The following DIPK1C variants were observed in gnomAD, a reference collection of about 807,000 sequenced individuals.
DIPK1C encodes divergent protein kinase domain 1C.
Under a neutral mutation model 28.0 loss-of-function variants are expected in DIPK1C, and 33 were observed. The observed-to-expected ratio is 1.18, with a 90% CI of 0.89 to 1.58. The LOEUF is 1.58. Among genes scored for constraint, DIPK1C ranks in the 40% most tolerant of loss-of-function variants. The pLI is 0.00. For missense variants in DIPK1C, 569 were observed against 568.5 expected (o/e 1.00, Z -0.01); for synonymous variants, 255 against 248.8 (o/e 1.02, Z -0.23).
Position 74,457,163 on chromosome 18 carries a change from C to G in DIPK1C, c.97G>C (p.Ala33Pro). 7.3e-7 allele frequency: 1 copy of G among 1,378,212 alleles called. No individual in the cohort carries two copies. The highest frequency in any genetic ancestry group is 9.4e-7 in the Non-Finnish European group (1 of 1,069,202). The allele number at this position is 1,378,212 out of a possible 1,614,324, so 85.4% of individuals were successfully genotyped here. Reference sequence around the variant, plus strand: ...AGCGCGGCCGCCAGCACCCAGCCCGCGGTCCACGCGGCGAAGGCGAGGAGC... The same window carrying G: ...AGCGCGGCCGCCAGCACCCAGCCCGGGGTCCACGCGGCGAAGGCGAGGAGC... ...GTLLAFAAWT[A>P]GWVLAAALLL... Residue 33 changes from alanine to proline, a missense_variant, in exon 1 of 4, where the codon GCG becomes CCG. Physicochemically the swap from Ala to Pro is conservative, Grantham distance 27. Coordinates refer to ENST00000343998, the MANE Select transcript of DIPK1C (RefSeq NM_001044369.3).
intron 3 of DIPK1C, 75 bp downstream of exon 3, chr18:74,441,877 G>T: frequency 4.0e-6 from 6 of 1,483,360 alleles, no homozygotes; most frequent in Non-Finnish European, 5.5e-6. Context: ...CTCCACTGAG[G>T]GTATCTGAAG....
At chr18:74,457,314 C>G, upstream of DIPK1C, 1 of 973,424 alleles carries the variant, frequency 1.0e-6, no homozygotes, top group South Asian at 4.6e-5. Context: ...GAGTTCCGCA[C>G]TCGCGTAGCT....
intron 1 of DIPK1C, among the ~76,000 whole-genome samples, chr18:74,455,657 G>A (rs777501573): frequency 1.2e-4 from 18 of 151,284 alleles, no homozygotes; most frequent in Non-Finnish European, 1.9e-4. Flanking sequence ...CAGGCATGGT[G>A]GTGGAGGTTG....
At chr18:74,459,067 C>T (rs1986579016), upstream of DIPK1C, among the ~76,000 whole-genome samples, 1 of 152,228 alleles carries the variant, frequency 6.6e-6, no homozygotes, top group African/African-American at 2.4e-5. Flanking sequence ...CACACCACTG[C>T]ACTCTAGCCC....
chr18:74,462,680 A>G (rs546306542), upstream of DIPK1C, among the ~76,000 whole-genome samples: 1 of 152,122 alleles, frequency 6.6e-6, no homozygotes, highest in Non-Finnish European at 1.5e-5. Context: ...AAAAAAAAAA[A>G]AACTGCCAAC....
the DIPK1C span, among the ~76,000 whole-genome samples, chr18:74,464,501 T>A: frequency 6.6e-6 from 1 of 152,238 alleles, no homozygotes; most frequent in Non-Finnish European, 1.5e-5. Context: ...TTTGCTACCA[T>A]CAATAAACTT....
chr18:74,459,779 GAT>G (rs1214524196), upstream of DIPK1C, among the ~76,000 whole-genome samples: 1 of 152,182 alleles, frequency 6.6e-6, no homozygotes, highest in African/African-American at 2.4e-5. Context: ...GGGCAGGAAA[GAT>G]ATTACAGGAG....
At chr18:74,456,502 C>A (rs1986515502) in intron 1 of DIPK1C, among the ~76,000 whole-genome samples, 1 of 152,228 alleles carries the variant, frequency 6.6e-6, no homozygotes, top group Non-Finnish European at 1.5e-5. Context: ...CCACAGACCG[C>A]GACCGCGGAG....
upstream of DIPK1C, among the ~76,000 whole-genome samples, chr18:74,458,420 A>T (rs1986565635): frequency 6.6e-6 from 1 of 151,904 alleles, no homozygotes; most frequent in Non-Finnish European, 1.5e-5. Context: ...GCGTGCTGTG[A>T]TTGTCCCACA....
chr18:74,450,062 C>G (rs773565412), intron 1 of DIPK1C, among the ~76,000 whole-genome samples: 1 of 151,776 alleles, frequency 6.6e-6, no homozygotes, highest in Non-Finnish European at 1.5e-5. Context: ...GAGGTGAGGA[C>G]GAATGATAAG....
chr18:74,462,450 G>C (rs1986631401), upstream of DIPK1C, among the ~76,000 whole-genome samples: 1 of 152,172 alleles, frequency 6.6e-6, no homozygotes, highest in Admixed American at 6.5e-5. Context: ...CCATTGCACT[G>C]TGTGAATACA....
intron 1 of DIPK1C, among the ~76,000 whole-genome samples, chr18:74,456,495 C>T (rs1156944414): frequency 6.6e-6 from 1 of 152,226 alleles, no homozygotes; most frequent in African/African-American, 2.4e-5. Flanking sequence ...TCGGTTCCCA[C>T]AGACCGCGAC....
At chr18:74,456,398 G>C (rs1168233090) in intron 1 of DIPK1C, among the ~76,000 whole-genome samples, 1 of 152,258 alleles carries the variant, frequency 6.6e-6, no homozygotes, top group African/African-American at 2.4e-5. Flanking sequence ...CCCAGGTTAG[G>C]AGGCGCCTGT....
At chr18:74,441,913 A>G (rs915718746) in intron 3 of DIPK1C, 39 bp downstream of exon 3, 11 of 1,596,268 alleles carry the variant, frequency 6.9e-6, no homozygotes, top group Non-Finnish European at 9.4e-6. Flanking sequence ...ACAGCCAAAG[A>G]GCACCCTCTC....
chr18:74,446,822 G>A lies in DIPK1C; in HGVS notation c.660C>T (p.Tyr220=), dbSNP rs1326831665. 23 of 1,497,452 alleles carry A rather than the reference G, an allele frequency of 1.5e-5. No homozygotes were observed. Among genetic ancestry groups the A allele is most frequent in the South Asian group, 2.6e-5 (2 of 76,366 alleles). 92.8% of individuals were successfully genotyped at this position (1,497,452 alleles called of 1,614,324 possible). Residue 220 remains tyrosine (Y), a synonymous_variant, in exon 2 of 4, where the codon TAC becomes TAT. Transcript: ENST00000343998. ...LPVLGSCGHF[Y]AVEFLAAGSP... ...TGCCCGCGGCCAGGAACTCCACCGCGTAGAAGTGGCCGCAGGAACCCAGCA... is the reference window on the plus strand; with the variant it reads ...TGCCCGCGGCCAGGAACTCCACCGCATAGAAGTGGCCGCAGGAACCCAGCA...
At chr18:74,439,335 G>A (rs147670388) in intron 3 of DIPK1C, among the ~76,000 whole-genome samples, 1 of 152,190 alleles carries the variant, frequency 6.6e-6, no homozygotes, top group Non-Finnish European at 1.5e-5. Context: ...GTCATGCCTG[G>A]CCAGCCAGTT....
chr18:74,456,377 T>A (rs1268689285), intron 1 of DIPK1C, among the ~76,000 whole-genome samples: 1 of 152,242 alleles, frequency 6.6e-6, no homozygotes, highest in Non-Finnish European at 1.5e-5. Context: ...GGGTGCGAGC[T>A]TTCGGGCCCT....
chr18:74,448,312 G>A (rs10514132), intron 1 of DIPK1C, among the ~76,000 whole-genome samples: 22,099 of 152,134 alleles, frequency 0.15, 2,182 homozygotes, highest in East Asian at 0.49. Context: ...AATAAAGGCC[G>A]CTCTTCCTTC....
In DIPK1C at chr18:74,436,664, G is replaced by T. The variant is rs748356608; in HGVS notation, c.1097C>A (p.Ala366Glu). The T allele has an allele frequency of 6.8e-6, 11 of 1,614,018 alleles. No individual in the cohort carries two copies. The highest frequency in any genetic ancestry group is 9.3e-6 in the Non-Finnish European group (11 of 1,180,012). Residue 366 changes from alanine (A) to glutamate (E), a missense_variant, in exon 4 of 4, where the codon GCG becomes GAG. Physicochemically the swap from Ala to Glu is moderately radical, Grantham distance 107. Transcript: ENST00000343998. ...HWFSAPLKSS[A>E]VSFQLQLQLQ... ...CTGCAGCTGAAGCTGGAAAGAGACC[G>T]CAGAGCTCTTGAGAGGCGCGGAAAA...
Sources: allele counts gnomAD v4.1 joint callset (sites outside exome capture counted in the v4.1 genomes callset), GRCh38; gene constraint gnomAD v4.1.1; transcripts MANE v1.5; gene names NCBI Gene and HGNC (gene_info 2026-07-23, HGNC 2026-07-21).